Variants in HECTD3 observed in about 807,000 individuals in gnomAD.
HECTD3 encodes the protein HECT domain E3 ubiquitin protein ligase 3, also known as E3 ubiquitin-protein ligase HECTD3.
In HECTD3, 72 loss-of-function variants were observed where a neutral mutation model predicts 109.3. The observed-to-expected ratio is 0.66, with a 90% CI of 0.54 to 0.80. The LOEUF is 0.80. Ranked by LOEUF, HECTD3 falls within the 30% of genes least tolerant of loss-of-function variation. The probability of loss-of-function intolerance (pLI) is 0.00; values close to 1 mark genes in which losing one functional copy is unlikely to be tolerated. For synonymous variants in HECTD3, 481 were observed against 471.8 expected (o/e 1.02, Z -0.25); for missense variants, 1,041 against 1,165.2 (o/e 0.89, Z 1.55).
At position 45,003,760 on chromosome 1, in the gene HECTD3, A is replaced by G. The variant is rs758772726; in HGVS notation, c.2430-20T>C. On this transcript the variant is annotated intron_variant, in intron 19 of 20. Transcript: ENST00000372172. This position sits in a 1 kb window ranked among gnomAD's most constrained non-coding sequence, Gnocchi z 4.7. Reference sequence around the variant, plus strand: ...TCGTAGCTGGGGGCATTGAGGGACCATAGGTCAGGAAGATGTGTTGGGGCA... The same window carrying G: ...TCGTAGCTGGGGGCATTGAGGGACCGTAGGTCAGGAAGATGTGTTGGGGCA... 4 of 1,613,820 alleles carry G rather than the reference A, an allele frequency of 2.5e-6. No homozygotes were observed. The highest frequency in any genetic ancestry group is 1.6e-4 in the Middle Eastern group (1 of 6,084).
In HECTD3 at chr1:45,007,592, C is replaced by T. The variant is rs752330003; in HGVS notation, c.1324G>A (p.Val442Met). The T allele has an allele frequency of 3.9e-5, 62 of 1,608,282 alleles. No individual in the cohort carries two copies. The highest frequency in any genetic ancestry group is 4.7e-5 in the Non-Finnish European group (55 of 1,179,786). Residue 442 changes from valine (V) to methionine (M), a missense_variant, in exon 10 of 21, where the codon GTG (valine) becomes ATG (methionine). Around this residue, in one of 2 missense-constraint regions of HECTD3, gnomAD observed 569 missense variants for 715.3 expected, o/e 0.80. Coordinates refer to ENST00000372172, the MANE Select transcript of HECTD3 (RefSeq NM_024602.6). The stretch of plus-strand genomic sequence containing the variant: ...CGGGACAGCAGTAGGAACTGCTTCA[C>T]TTGCTAGTGAGGAGAGGTGGCCAGA... ...TLGTFSEIKQ[V>M]KQFLLLSRQR...
At position 45,003,918 on chromosome 1, in the gene HECTD3, A is replaced by G; in HGVS notation, c.2366T>C (p.Leu789Pro). The G allele has an allele frequency of 1.2e-6, 2 of 1,613,548 alleles. No individual in the cohort carries two copies. The highest frequency in any genetic ancestry group is 1.7e-6 in the Non-Finnish European group (2 of 1,179,714). The change falls in exon 19 of 21, where the codon CTG becomes CCG. Residue 789 changes from leucine (L) to proline (P), a missense_variant. By Grantham distance (98) the Leu-to-Pro change is moderately conservative. Transcript: ENST00000372172. This position sits in a 1 kb window ranked among gnomAD's most constrained non-coding sequence, Gnocchi z 4.7. ...NFTNEDRSRF[L>P]RFVTGRSRLP... ...GCGACTGCGGCCCGTGACAAAGCGC[A>G]GGAAGCGGCTCCGGTCCTCTGGAGG...
chr1:45,006,031 A>C lies in HECTD3; in HGVS notation c.1811T>G (p.Leu604Arg). 1 of 1,614,118 alleles carries C rather than the reference A, an allele frequency of 6.2e-7. No individual in the cohort carries two copies. Among genetic ancestry groups the C allele is most frequent in the Non-Finnish European group, 8.5e-7 (1 of 1,180,016 alleles). Reference protein sequence around the residue: ...DFAKYEWIGQLMGAALRGKEF... With the variant: ...DFAKYEWIGQRMGAALRGKEF... ...CTTACCCCGAAGGGCAGCCCCCATCAGCTGTCCGATCCATTCATACTTGGC... is the reference window on the plus strand; with the variant it reads ...CTTACCCCGAAGGGCAGCCCCCATCCGCTGTCCGATCCATTCATACTTGGC... The change falls in exon 14 of 21, where the codon CTG becomes CGG. Residue 604 changes from leucine (L) to arginine (R), a missense_variant. Transcript: ENST00000372172. The surrounding 1 kb of genome is among the most constrained non-coding windows in gnomAD (Gnocchi z 4.7).
At position 45,006,308 on chromosome 1, in the gene HECTD3, A is replaced by AT. The variant is rs144329171; in HGVS notation, c.1726-193dup. 0.49 allele frequency: 205,518 copies of AT among 422,276 alleles called. 29,575 individuals are homozygous for AT. Among genetic ancestry groups the AT allele is most frequent in the Non-Finnish European group, 0.51 (122,288 of 241,128 alleles). The allele number at this position is 422,276 out of a possible 1,614,324, so 26.2% of individuals were successfully genotyped here. A position where few individuals can be genotyped will look rare whatever the true frequency, so the allele number is the denominator to read the frequency against. On this transcript the variant is annotated intron_variant, in intron 13 of 20. Coordinates refer to ENST00000372172, the MANE Select transcript of HECTD3 (RefSeq NM_024602.6). This position sits in a 1 kb window ranked among gnomAD's most constrained non-coding sequence, Gnocchi z 4.7. ...TCAGTCCCTCCTCTGCCCTATTTCT[A>AT]TTTTTTTTTTTTTTTGAGACAGAGT...
At chr1:45,004,546 G>C in intron 16 of HECTD3, 54 bp downstream of exon 16, 1 of 1,603,676 alleles carries the variant, frequency 6.2e-7, no homozygotes, top group Non-Finnish European at 8.5e-7. Flanking sequence ...GGTCCCAGGA[G>C]CTGGGGCTCA....
In HECTD3 at chr1:45,003,914, G is replaced by A. The variant is rs41312020; in HGVS notation, c.2370C>T (p.Arg790=). 0.063 allele frequency: 102,186 copies of A among 1,613,350 alleles called. 3,529 individuals carry two copies. The highest frequency in any genetic ancestry group is 0.12 in the East Asian group (5,186 of 44,848). Residue 790 remains arginine (R), a synonymous_variant, in exon 19 of 21, where the codon CGC becomes CGT. Coordinates refer to ENST00000372172, the MANE Select transcript of HECTD3 (RefSeq NM_024602.6). This position sits in a 1 kb window ranked among gnomAD's most constrained non-coding sequence, Gnocchi z 4.7. Reference sequence around the variant, plus strand: ...GCAGGCGACTGCGGCCCGTGACAAAGCGCAGGAAGCGGCTCCGGTCCTCTG... The same window carrying A: ...GCAGGCGACTGCGGCCCGTGACAAAACGCAGGAAGCGGCTCCGGTCCTCTG... ...FTNEDRSRFL[R]FVTGRSRLPA...
chr1:45,004,038 C>T, intron 18 of HECTD3, 22 bp downstream of exon 18: 6 of 1,613,964 alleles, frequency 3.7e-6, no homozygotes, highest in South Asian at 1.1e-5. Context: ...ACCCAGGTGT[C>T]ACCCTGCCCT....
intron 1 of HECTD3, 67 bp downstream of exon 1, chr1:45,010,822 G>A: frequency 1.3e-6 from 2 of 1,504,730 alleles, no homozygotes; most frequent in African/African-American, 1.4e-5. Context: ...GGGAGAAAAG[G>A]CAAACAGCCA....
In HECTD3 at chr1:45,003,515, C is replaced by T; in HGVS notation, c.2563G>A (p.Asp855Asn). 6.2e-7 allele frequency: 1 copy of T among 1,614,208 alleles called. No individual in the cohort carries two copies. The highest frequency in any genetic ancestry group is 8.5e-7 in the Non-Finnish European group (1 of 1,180,030). ...CCTCACTCCTCCCAAGGGCTCATGTCAGTGTCGATGGCCACGCAGTTGTAG... is the reference window on the plus strand; with the variant it reads ...CCTCACTCCTCCCAAGGGCTCATGTTAGTGTCGATGGCCACGCAGTTGTAG... ...AAYNCVAIDT[D>N]MSPWEE Residue 855 changes from aspartate (D) to asparagine (N), a missense_variant, in exon 21 of 21, where the codon GAC becomes AAC. Asp to Asn is a conservative substitution (Grantham distance 23, BLOSUM62 1). This residue lies in a region of HECTD3 where 569 missense variants were observed against 715.3 expected (regional missense o/e 0.80). Coordinates refer to ENST00000372172, the MANE Select transcript of HECTD3 (RefSeq NM_024602.6). The surrounding 1 kb of genome is among the most constrained non-coding windows in gnomAD (Gnocchi z 4.7).
At chr1:45,007,126 TTGTGTGTG>T (rs56343463) in intron 11 of HECTD3, 85 bp downstream of exon 11, 480,478 of 1,210,860 alleles carry the variant, frequency 0.4, 49,338 homozygotes, top group East Asian at 0.52. Flanking sequence ...CCTCGAGCAG[TTGTGTGTG>T]TGTGTGTGTG....
In HECTD3 at chr1:45,003,819, G is replaced by A. The variant is rs372907171; in HGVS notation, c.2429+36C>T. 28 of 1,612,038 alleles carry A rather than the reference G, an allele frequency of 1.7e-5. No individual in the cohort carries two copies. Among genetic ancestry groups the A allele is most frequent in the Admixed American group, 5.0e-5 (3 of 59,978 alleles). ...TGTGTGGGGAGGGAGGACAGAAGGC[G>A]GCCATGGCACCTTCAGGCCTCCCTC... On this transcript the variant is annotated intron_variant, in intron 19 of 20. Coordinates refer to ENST00000372172, the MANE Select transcript of HECTD3 (RefSeq NM_024602.6). The surrounding 1 kb of genome is among the most constrained non-coding windows in gnomAD (Gnocchi z 4.7).
In HECTD3 at chr1:45,005,814, G is replaced by C. The variant is rs1644730389; in HGVS notation, c.1915C>G (p.Pro639Ala). ...CTCACCAGCACAGAGTCCACAGCTG[G>C]GAAGTCCTTGCTCCAGCTCACCTCC... ...GEEVSWSKDF[P>A]AVDSVLVKLL... The change falls in exon 15 of 21, where the codon CCA becomes GCA. Residue 639 changes from proline (P) to alanine (A), a missense_variant. By Grantham distance (27) the Pro-to-Ala change is conservative. Around this residue, in one of 2 missense-constraint regions of HECTD3, gnomAD observed 569 missense variants for 715.3 expected, o/e 0.80. Coordinates refer to ENST00000372172, the MANE Select transcript of HECTD3 (RefSeq NM_024602.6). 6.2e-7 allele frequency: 1 copy of C among 1,604,298 alleles called. No homozygotes were observed. The highest frequency in any genetic ancestry group is 1.3e-5 in the African/African-American group (1 of 74,732).
In HECTD3 at chr1:45,007,227, C is replaced by T. The variant is rs955187631; in HGVS notation, c.1548G>A (p.Leu516=). The T allele has an allele frequency of 2.5e-6, 4 of 1,613,168 alleles. No individual in the cohort carries two copies. The highest frequency in any genetic ancestry group is 3.4e-6 in the Non-Finnish European group (4 of 1,179,556). ...TCACTCTCATGCCATACCTGTAGTC[C>T]AGGGGCTTTTCATATTTGTCAGAGG... The part of the protein sequence containing the change: ...LKPSDKYEKP[L]DYRWPMRYDQ... The change falls in exon 11 of 21, where the codon CTG becomes CTA. Residue 516 remains leucine, a synonymous_variant. Coordinates refer to ENST00000372172, the MANE Select transcript of HECTD3 (RefSeq NM_024602.6).
Position 45,009,663 on chromosome 1 carries a change from G to C in HECTD3, c.780C>G (p.Cys260Trp). 1 of 1,613,922 alleles carries C rather than the reference G, an allele frequency of 6.2e-7. No individual in the cohort carries two copies. The highest frequency in any genetic ancestry group is 8.5e-7 in the Non-Finnish European group (1 of 1,179,872). ...AGGTATCGGCATTGCTGTCTGTCAG[G>C]CAGGACACGTTGAACTCCTCCTGGG... ...SSYTEEFNVS[C>W]LTDSNADTYW... is the part of the protein sequence containing the mutation. The change falls in exon 5 of 21, where the codon TGC becomes TGG. Residue 260 changes from cysteine (C) to tryptophan (W), a missense_variant. Cys to Trp is a radical substitution (Grantham distance 215). This residue lies in a region of HECTD3 where 472 missense variants were observed against 449.9 expected (regional missense o/e 1.05). Coordinates refer to ENST00000372172, the MANE Select transcript of HECTD3 (RefSeq NM_024602.6).
At chr1:45,009,893 T>G in intron 4 of HECTD3, 93 bp downstream of exon 4, 2 of 1,448,916 alleles carry the variant, frequency 1.4e-6, no homozygotes, top group Non-Finnish European at 9.3e-7. Context: ...GACCCTGTTT[T>G]AGTCCTGGCC....
In HECTD3 at chr1:45,008,338, G is replaced by A. The variant is rs781154736; in HGVS notation, c.1239-17C>T. On this transcript the variant is annotated splice_polypyrimidine_tract_variant and intron_variant, in intron 8 of 20. Coordinates refer to ENST00000372172, the MANE Select transcript of HECTD3 (RefSeq NM_024602.6). Reference sequence around the variant, plus strand: ...TTGATGAATCTGGCATGGGTAGATAGACTGCAGCTAAAGAGTTTAGCATAC... The same window carrying A: ...TTGATGAATCTGGCATGGGTAGATAAACTGCAGCTAAAGAGTTTAGCATAC... The A allele has an allele frequency of 1.9e-6, 3 of 1,603,972 alleles. No homozygotes were observed. Among genetic ancestry groups the A allele is most frequent in the East Asian group, 4.5e-5 (2 of 44,796 alleles).
rs553528837 is a variant in HECTD3 at position 45,010,262 on chromosome 1, G to A, written c.562C>T (p.His188Tyr). 2 of 1,614,038 alleles carry A rather than the reference G, an allele frequency of 1.2e-6. No homozygotes were observed. The highest frequency in any genetic ancestry group is 1.3e-5 in the African/African-American group (1 of 75,018). ...GGCTGAGGTCTCGATCCCAGGCGATGTGAGTATGTCAGGTCCACCACCTGT... is the reference window on the plus strand; with the variant it reads ...GGCTGAGGTCTCGATCCCAGGCGATATGAGTATGTCAGGTCCACCACCTGT... ...WEQVVDLTYS[H>Y]RLGSRPQPAE... The change falls in exon 3 of 21, where the codon CAT becomes TAT. Residue 188 changes from histidine to tyrosine, a missense_variant. By Grantham distance (83) the His-to-Tyr change is moderately conservative. Transcript: ENST00000372172.
rs535309513 is a variant in HECTD3 at position 45,009,306 on chromosome 1, G to A, written c.989+63C>T. ...ACTGCTGGAGTCTCACTCAAACTTAGGCTTTCAAGCTGGGCTAGGCTTGGA... is the reference window on the plus strand; with the variant it reads ...ACTGCTGGAGTCTCACTCAAACTTAAGCTTTCAAGCTGGGCTAGGCTTGGA... On this transcript the variant is annotated intron_variant, in intron 6 of 20. Coordinates refer to ENST00000372172, the MANE Select transcript of HECTD3 (RefSeq NM_024602.6). The A allele has an allele frequency of 1.4e-5, 21 of 1,554,526 alleles. No homozygotes were observed. In the East Asian group the frequency reaches 2.7e-4, roughly 20 times the overall value.
At position 45,009,438 on chromosome 1, in the gene HECTD3, G is replaced by A. The variant is rs1266739209; in HGVS notation, c.920C>T (p.Pro307Leu). ...TVDTTDDNFMPKRVVVYGGEG... is the reference protein window; with the variant it reads ...TVDTTDDNFMLKRVVVYGGEG... The stretch of plus-strand genomic sequence containing the variant: ...ACCCCCATAGACCACCACCCGCTTT[G>A]GCATAAAGTTGTCATCTGTGGTATC... The change falls in exon 6 of 21, where the codon CCA (proline) becomes CTA (leucine). Residue 307 changes from proline (P) to leucine (L), a missense_variant. By Grantham distance (98) the Pro-to-Leu change is moderately conservative (BLOSUM62 -3). Around this residue, in one of 2 missense-constraint regions of HECTD3, gnomAD observed 472 missense variants for 449.9 expected, o/e 1.05. Transcript: ENST00000372172. 1.2e-6 allele frequency: 2 copies of A among 1,613,974 alleles called. No homozygotes were observed. Among genetic ancestry groups the A allele is most frequent in the Non-Finnish European group, 1.7e-6 (2 of 1,179,990 alleles).
Sources: allele counts gnomAD v4.1 joint callset, GRCh38; gene constraint gnomAD v4.1.1; regional missense constraint gnomAD v4.1.1; non-coding constraint Gnocchi (gnomAD v3.1); transcripts MANE v1.5; gene names NCBI Gene and HGNC (gene_info 2026-07-23, HGNC 2026-07-21).